The following MGMT variants were observed in gnomAD, a reference collection of about 807,000 sequenced individuals.
MGMT encodes the protein methylated-DNA--protein-cysteine methyltransferase.
A neutral mutation model predicts 15.9 loss-of-function variants in MGMT; 14 were observed. The observed-to-expected ratio is 0.88, with a 90% confidence interval of 0.58 to 1.37. MGMT has a LOEUF of 1.37. Among genes scored for constraint, MGMT ranks in the 40% most tolerant of loss-of-function variants. The pLI is 0.00. For missense variants in MGMT, 282 were observed against 268.1 expected, an observed-to-expected ratio of 1.05 and a Z score of -0.36; for synonymous variants, 130 against 118.2, an observed-to-expected ratio of 1.10 and a Z score of -0.65.
At chr10:129,706,647 T>A (rs1214938707) in intron 2 of MGMT, among the ~76,000 whole-genome samples, 4 of 150,798 alleles carry the variant, frequency 2.7e-5, no homozygotes, top group Non-Finnish European at 5.9e-5. Flanking sequence ...AGGAAGGGAG[T>A]CACCTGAAGA....
chr10:129,571,351 A>G (rs1023719533), intron 2 of MGMT, among the ~76,000 whole-genome samples: 2 of 152,340 alleles, frequency 1.3e-5, no homozygotes, highest in East Asian at 1.9e-4. Flanking sequence ...GAAATATATG[A>G]ATTCATTATA....
intron 4 of MGMT, among the ~76,000 whole-genome samples, chr10:129,764,070 A>G (rs1035331621): frequency 2.0e-5 from 3 of 152,164 alleles, no homozygotes; most frequent in Non-Finnish European, 4.4e-5. Context: ...ACCGGCTGTC[A>G]CCCCACAAGG....
At chr10:129,508,520 C>CTTTTTTTT (rs11311009) in intron 1 of MGMT, among the ~76,000 whole-genome samples, 1 of 141,540 alleles carries the variant, frequency 7.1e-6, no homozygotes, top group Non-Finnish European at 1.5e-5. Flanking sequence ...TTCTTTCTTT[C>CTTTTTTTT]TTTTTTTTTT....
At chr10:129,500,794 G>A (rs996032046) in intron 1 of MGMT, among the ~76,000 whole-genome samples, 15 of 152,062 alleles carry the variant, frequency 9.9e-5, no homozygotes, top group South Asian at 2.1e-4. Flanking sequence ...CAAACTATCC[G>A]CCCGCCTTAG....
chr10:129,757,047 G>C (rs183963538), intron 3 of MGMT, among the ~76,000 whole-genome samples: 1 of 152,180 alleles, frequency 6.6e-6, no homozygotes, highest in African/African-American at 2.4e-5. Context: ...GCATTCGTTC[G>C]CTGCAGGGTG....
chr10:129,769,879 C>T lies in MGMT; in HGVS notation c.*2882C>T, dbSNP rs1848981975. Among the ~76,000 whole-genome samples, 1 of 152,154 alleles carries T rather than the reference C, an allele frequency of 6.6e-6. No individual in the cohort carries two copies. ...ATCAGGAAGCTTGGAGGAGCTCTTG[C>T]ATGAGGAATTGCAGAACTTAGGGGC... On this transcript the variant is annotated 3_prime_UTR_variant, in exon 5 of 5. Coordinates refer to ENST00000651593, the MANE Select transcript of MGMT (RefSeq NM_002412.5).
At chr10:129,645,866 C>T (rs1248712029) in intron 2 of MGMT, among the ~76,000 whole-genome samples, 1 of 152,202 alleles carries the variant, frequency 6.6e-6, no homozygotes, top group Non-Finnish European at 1.5e-5. Context: ...GGCCAGTCGG[C>T]CGAGGGCCTG....
chr10:129,509,425 G>A (rs192272102), intron 1 of MGMT, among the ~76,000 whole-genome samples: 19 of 152,298 alleles, frequency 1.2e-4, no homozygotes, highest in Non-Finnish European at 2.6e-4. Flanking sequence ...TTCTCTGTGT[G>A]TGTGCCTGGC....
At chr10:129,638,162 A>G (rs886154935) in intron 2 of MGMT, among the ~76,000 whole-genome samples, 1 of 152,026 alleles carries the variant, frequency 6.6e-6, no homozygotes, top group Non-Finnish European at 1.5e-5. Context: ...ACTTAACTTC[A>G]TCTAAATTTC....
At chr10:129,685,642 G>A (rs1389155928) in intron 2 of MGMT, among the ~76,000 whole-genome samples, 2 of 152,232 alleles carry the variant, frequency 1.3e-5, no homozygotes, top group Admixed American at 1.3e-4. Context: ...TGCAGTGAAT[G>A]AGTTAATCCT....
At chr10:129,628,539 G>A (rs533989527) in intron 2 of MGMT, among the ~76,000 whole-genome samples, 12 of 152,234 alleles carry the variant, frequency 7.9e-5, no homozygotes, top group African/African-American at 2.4e-4. Flanking sequence ...GTGCATCTCC[G>A]TGCTCACCTT....
chr10:129,529,897 C>CT (rs76739297), intron 1 of MGMT, among the ~76,000 whole-genome samples: 16,590 of 150,368 alleles, frequency 0.11, 1,066 homozygotes, highest in East Asian at 0.29. Flanking sequence ...TTTCTTTTTC[C>CT]TTTTTTTTCT....
At position 129,617,893 on chromosome 10, in the gene MGMT, G is replaced by A. The variant is rs577826425; in HGVS notation, c.125+81516G>A. Among the ~76,000 whole-genome samples, 6 of 150,938 alleles carry A rather than the reference G, an allele frequency of 4.0e-5. No individual in the cohort carries two copies. The East Asian group carries it at 6.0e-4, about 15-fold the overall frequency. ...TTCTTATGCAAGCACCCAGCCTTCC[G>A]GCACTGGGACGGGCCACATGGGAGG... On this transcript the variant is annotated intron_variant, in intron 2 of 4. Transcript: ENST00000651593.
intron 1 of MGMT, among the ~76,000 whole-genome samples, chr10:129,476,734 G>A (rs1845298894): frequency 6.6e-6 from 1 of 152,118 alleles, no homozygotes; most frequent in Non-Finnish European, 1.5e-5. Flanking sequence ...AAGGGGTGCT[G>A]CCCTGTGTGT....
intron 2 of MGMT, among the ~76,000 whole-genome samples, chr10:129,631,459 A>G (rs1191663476): frequency 1.3e-5 from 2 of 152,250 alleles, no homozygotes; most frequent in Admixed American, 6.5e-5. Flanking sequence ...GCTTACATGT[A>G]TGTATGGTTT....
At chr10:129,706,532 A>T (rs949847855) in intron 2 of MGMT, among the ~76,000 whole-genome samples, 55 of 152,306 alleles carry the variant, frequency 3.6e-4, no homozygotes, top group African/African-American at 1.3e-3. Context: ...AAGCCTGAGG[A>T]GCAGCACTGT....
In MGMT at chr10:129,748,408, T is replaced by C. The variant is rs74754059; in HGVS notation, c.275-10794T>C. ...CGTGGTTTGACTGGAATGTTTGTCTTTGTTCTTTTGCTTCATTTCATTTTG... is the reference window on the plus strand; with the variant it reads ...CGTGGTTTGACTGGAATGTTTGTCTCTGTTCTTTTGCTTCATTTCATTTTG... On this transcript the variant is annotated intron_variant, in intron 3 of 4. Transcript: ENST00000651593. Among the ~76,000 whole-genome samples the C allele has an allele frequency of 2.9e-3, 439 of 152,286 alleles. 1 individual carries two copies. The highest frequency in any genetic ancestry group is 0.01 in the African/African-American group (430 of 41,562).
At chr10:129,512,606 G>T (rs1845696143) in intron 1 of MGMT, among the ~76,000 whole-genome samples, 1 of 152,184 alleles carries the variant, frequency 6.6e-6, no homozygotes, top group Non-Finnish European at 1.5e-5. Context: ...CTGGCATGAA[G>T]GAAGTACCAT....
intron 2 of MGMT, among the ~76,000 whole-genome samples, chr10:129,588,648 C>T (rs773345123): frequency 6.6e-6 from 1 of 152,180 alleles, no homozygotes. Flanking sequence ...ACCCTGGGTC[C>T]AGTCCTGCCT....
Sources: allele counts gnomAD v4.1 joint callset (sites outside exome capture counted in the v4.1 genomes callset), GRCh38; gene constraint gnomAD v4.1.1; transcripts MANE v1.5; gene names NCBI Gene and HGNC (gene_info 2026-07-23, HGNC 2026-07-21).